Variants in PSMA1 observed in about 807,000 individuals in gnomAD.
The protein encoded by PSMA1 is proteasome 20S subunit alpha 1.
PSMA1 carries 3 observed loss-of-function variants against 38.4 expected under a neutral mutation model. That is an observed-to-expected ratio of 0.08 (90% CI 0.04 to 0.20). PSMA1 has a LOEUF of 0.20. Among genes scored for constraint, PSMA1 ranks in the 10% least tolerant of loss-of-function variants. The pLI is 1.00. For missense variants in PSMA1, 227 were observed against 325.3 expected (o/e 0.70, Z 2.32); for synonymous variants, 101 against 107.1 (o/e 0.94, Z 0.35).
chr11:14,526,175 C>T (rs895960605), intron 2 of PSMA1, among the ~76,000 whole-genome samples: 47 of 152,256 alleles, frequency 3.1e-4, no homozygotes, highest in Admixed American at 5.9e-4. Flanking sequence ...TGGATACTTT[C>T]GCCTTTGGAT....
At chr11:14,509,884 C>T (rs969080676) in intron 8 of PSMA1, among the ~76,000 whole-genome samples, 37 of 151,900 alleles carry the variant, frequency 2.4e-4, no homozygotes, top group Non-Finnish European at 4.6e-4. Context: ...CCACCAAGCC[C>T]GGCTAATTTT....
At chr11:14,548,701 C>T (rs1015056256) in intron 2 of PSMA1, among the ~76,000 whole-genome samples, 2 of 152,156 alleles carry the variant, frequency 1.3e-5, no homozygotes, top group African/African-American at 2.4e-5. Flanking sequence ...CACACAGACA[C>T]ATACATCATG....
At chr11:14,636,766 G>T (rs1455964139) in intron 1 of PSMA1, among the ~76,000 whole-genome samples, 2 of 152,136 alleles carry the variant, frequency 1.3e-5, no homozygotes, top group Non-Finnish European at 2.9e-5. Context: ...GGCTAGACCT[G>T]GGGAACCCTC....
chr11:14,511,497 A>G (rs1327472287), intron 7 of PSMA1, among the ~76,000 whole-genome samples: 4 of 142,056 alleles, frequency 2.8e-5, no homozygotes. Flanking sequence ...AGAATAAGTT[A>G]GTTTAACAAC....
intron 1 of PSMA1, 97 bp downstream of exon 1, chr11:14,520,200 C>T (rs1471457874): frequency 1.9e-6 from 3 of 1,572,958 alleles, no homozygotes; most frequent in African/African-American, 2.7e-5. Context: ...TACCTCGTGG[C>T]ACCGGGCGAC....
At chr11:14,630,153 T>A (rs1269886255) in intron 1 of PSMA1, among the ~76,000 whole-genome samples, 2 of 152,110 alleles carry the variant, frequency 1.3e-5, no homozygotes, top group Non-Finnish European at 2.9e-5. Context: ...GAATACCCTT[T>A]ATTTCCTTCT....
At chr11:14,595,763 A>T (rs1455232268) in intron 2 of PSMA1, among the ~76,000 whole-genome samples, 1 of 152,122 alleles carries the variant, frequency 6.6e-6, no homozygotes, top group Non-Finnish European at 1.5e-5. Flanking sequence ...CTCATTTGTC[A>T]ATTTTGGCTT....
intron 2 of PSMA1, among the ~76,000 whole-genome samples, chr11:14,576,998 C>A (rs904608771): frequency 1.3e-5 from 2 of 152,188 alleles, no homozygotes; most frequent in African/African-American, 4.8e-5. Context: ...TCCTTCACAT[C>A]CCTTGTAAGT....
At chr11:14,540,626 G>A (rs1439796862) in intron 2 of PSMA1, among the ~76,000 whole-genome samples, 2 of 152,138 alleles carry the variant, frequency 1.3e-5, no homozygotes, top group African/African-American at 4.8e-5. Flanking sequence ...AAAAAAAATT[G>A]TGAACGTAAA....
chr11:14,569,543 T>C (rs1565046892), intron 2 of PSMA1, among the ~76,000 whole-genome samples: 1 of 152,124 alleles, frequency 6.6e-6, no homozygotes, highest in African/African-American at 2.4e-5. Context: ...TCTTAGCAAA[T>C]GGCACACCAG....
Position 14,504,965 on chromosome 11 carries a change from C to T in PSMA1, c.*227G>A, listed in dbSNP as rs1469400866. On this transcript the variant is annotated 3_prime_UTR_variant, in exon 10 of 10. Coordinates refer to ENST00000396394, the MANE Select transcript of PSMA1 (RefSeq NM_002786.4). ...TCATATAAAAACATTAGTATAGATACCCATACTTTCTAGAAAATGATTATA... is the reference window on the plus strand; with the variant it reads ...TCATATAAAAACATTAGTATAGATATCCATACTTTCTAGAAAATGATTATA... The T allele has an allele frequency of 2.0e-6, 1 of 503,484 alleles. No individual in the cohort carries two copies. Among genetic ancestry groups the T allele is most frequent in the Non-Finnish European group, 3.6e-6 (1 of 280,984 alleles). 31.2% of individuals were successfully genotyped at this position (503,484 alleles called of 1,614,324 possible).
chr11:14,570,976 G>C (rs1362095320), intron 2 of PSMA1, among the ~76,000 whole-genome samples: 1 of 152,212 alleles, frequency 6.6e-6, no homozygotes, highest in Non-Finnish European at 1.5e-5. Flanking sequence ...TACCCACAAA[G>C]GGAAGCCCAT....
At chr11:14,599,460 CTTG>C (rs1303653566) in intron 2 of PSMA1, among the ~76,000 whole-genome samples, 5 of 152,126 alleles carry the variant, frequency 3.3e-5, no homozygotes, top group Non-Finnish European at 7.4e-5. Flanking sequence ...TTTCTCTAAT[CTTG>C]TTTTCTCACT....
chr11:14,622,230 C>T (rs1369538406), intron 1 of PSMA1, among the ~76,000 whole-genome samples: 1 of 152,136 alleles, frequency 6.6e-6, no homozygotes, highest in Non-Finnish European at 1.5e-5. Flanking sequence ...TATGTGGCAA[C>T]TGATATGATA....
chr11:14,557,918 A>G (rs752763624), intron 2 of PSMA1, among the ~76,000 whole-genome samples: 1 of 152,132 alleles, frequency 6.6e-6, no homozygotes, highest in Non-Finnish European at 1.5e-5. Context: ...CCAATTGCAG[A>G]ATTGTCCAGG....
At position 14,507,730 on chromosome 11, in the gene PSMA1, A is replaced by G; in HGVS notation, c.661T>C (p.Phe221Leu). The change falls in exon 9 of 10, where the codon TTT (phenylalanine) becomes CTT (leucine). Residue 221 changes from phenylalanine (F) to leucine (L), a missense_variant. Transcript: ENST00000396394. Reference sequence around the variant, plus strand: ...ACATCATCATCATCATAGATTGTAAACTCCAAGTCTTTACCAACAATTCCA... The same window carrying G: ...ACATCATCATCATCATAGATTGTAAGCTCCAAGTCTTTACCAACAATTCCA... The part of the protein sequence containing the change: ...SIGIVGKDLE[F>L]TIYDDDDVSP... 6.2e-7 allele frequency: 1 copy of G among 1,612,832 alleles called. No individual in the cohort carries two copies. The highest frequency in any genetic ancestry group is 8.5e-7 in the Non-Finnish European group (1 of 1,179,154).
chr11:14,587,448 T>C (rs1260262851), intron 2 of PSMA1, among the ~76,000 whole-genome samples: 2 of 152,228 alleles, frequency 1.3e-5, no homozygotes, highest in African/African-American at 4.8e-5. Flanking sequence ...GTGTCACCCT[T>C]GCAACAAGGA....
At chr11:14,577,318 A>C (rs1478692544) in intron 2 of PSMA1, among the ~76,000 whole-genome samples, 1 of 152,198 alleles carries the variant, frequency 6.6e-6, no homozygotes, top group Non-Finnish European at 1.5e-5. Flanking sequence ...TAATCTGCTC[A>C]TGGTTGCGCT....
chr11:14,642,263 A>G (rs1853218912), intron 1 of PSMA1, among the ~76,000 whole-genome samples: 1 of 152,218 alleles, frequency 6.6e-6, no homozygotes, highest in Non-Finnish European at 1.5e-5. Context: ...TTTTTACTTT[A>G]ATCTTCAACT....
Sources: gnomAD v4.1 joint callset for allele counts (sites outside exome capture counted in the v4.1 genomes callset) on GRCh38, gnomAD v4.1.1 for gene constraint, MANE v1.5 for transcripts, NCBI Gene and HGNC (gene_info 2026-07-23, HGNC 2026-07-21) for gene names.